Variants in NBAS observed in about 807,000 individuals in gnomAD.
The protein encoded by NBAS is NBAS subunit of NRZ tethering complex, also known as NAG/BC035112 fusion.
A neutral mutation model predicts 302.5 loss-of-function variants in NBAS; 219 were observed. The observed-to-expected ratio is 0.72, with a 90% CI of 0.65 to 0.81. The LOEUF (loss-of-function observed/expected upper bound fraction) is 0.81. NBAS is among the 30% of genes least tolerant of loss of function. The probability of loss-of-function intolerance (pLI) is 0.00; values close to 1 mark genes in which losing one functional copy is unlikely to be tolerated. For synonymous variants in NBAS, 1,118 were observed against 1,021.6 expected (o/e 1.09, Z -1.80); for missense variants, 2,932 against 2,841.6 (o/e 1.03, Z -0.72).
At chr2:14,949,186 T>A in the NBAS span, among the ~76,000 whole-genome samples, 1 of 152,178 alleles carries the variant, frequency 6.6e-6, no homozygotes, top group South Asian at 2.1e-4. Context: ...TTTTGGCAAA[T>A]AATTTTTGTG....
At chr2:15,187,770 T>C (rs893960854) in intron 49 of NBAS, among the ~76,000 whole-genome samples, 5 of 152,212 alleles carry the variant, frequency 3.3e-5, no homozygotes, top group Non-Finnish European at 7.4e-5. Flanking sequence ...ATTCTAGACA[T>C]TGAACAACCA....
At chr2:15,483,296 T>C in intron 12 of NBAS, 1 of 407,118 alleles carries the variant, frequency 2.5e-6, no homozygotes, top group Non-Finnish European at 5.0e-6. Flanking sequence ...CTGTGGATTA[T>C]ATCAAGATTC....
the NBAS span, among the ~76,000 whole-genome samples, chr2:15,151,049 CATTCAATA>C: frequency 6.6e-6 from 1 of 152,204 alleles, no homozygotes. Context: ...ATCCTCCAAT[CATTCAATA>C]ATTCAATAAT....
chr2:14,979,851 T>G, the NBAS span, among the ~76,000 whole-genome samples: 5 of 152,288 alleles, frequency 3.3e-5, no homozygotes, highest in Admixed American at 3.3e-4. Flanking sequence ...AGTGTAGGCC[T>G]GTAATTGTAA....
At chr2:15,149,008 C>T in the NBAS span, among the ~76,000 whole-genome samples, 1 of 152,154 alleles carries the variant, frequency 6.6e-6, no homozygotes, top group Non-Finnish European at 1.5e-5. Flanking sequence ...CCTTCGAAGC[C>T]ATTTAATTAT....
At chr2:15,095,522 A>T in the NBAS span, among the ~76,000 whole-genome samples, 2 of 152,206 alleles carry the variant, frequency 1.3e-5, no homozygotes, top group African/African-American at 2.4e-5. Context: ...CTCCCACCAC[A>T]CGTGGGAATT....
rs1289112819 is a variant in NBAS, at chr2:15,415,561, C to A, written c.2922G>T (p.Gln974His). The change falls in exon 25 of 52, where the codon CAG becomes CAT. Residue 974 changes from glutamine to histidine, a missense_variant. Gln to His is a conservative substitution (Grantham distance 24). Coordinates refer to ENST00000281513, the MANE Select transcript of NBAS (RefSeq NM_015909.4). ...GDLKFPLKIF[Q>H]HSKPDLQQKI... is the part of the protein sequence containing the mutation. Reference sequence around the variant, plus strand: ...TTCTACTTACATCTGGTTTGGAATGCTGAAATATCTTCAGGGGAAATTTTA... The same window carrying A: ...TTCTACTTACATCTGGTTTGGAATGATGAAATATCTTCAGGGGAAATTTTA... The A allele has an allele frequency of 6.2e-7, 1 of 1,614,064 alleles. No individual in the cohort carries two copies. The highest frequency in any genetic ancestry group is 1.7e-5 in the Admixed American group (1 of 60,028).
chr2:15,471,876 C>T (rs1679972542), intron 16 of NBAS, among the ~76,000 whole-genome samples: 1 of 152,174 alleles, frequency 6.6e-6, no homozygotes, highest in African/African-American at 2.4e-5. Context: ...AATTGGCTAA[C>T]ACCTTGATTT....
At position 15,296,399 on chromosome 2, in the gene NBAS, G is replaced by A. The variant is rs149572868; in HGVS notation, c.4798-3633C>T. The stretch of plus-strand genomic sequence containing the variant: ...ACTAAAAGTACCAAAAAAATTAGCC[G>A]GGTGTGGTGGCACTCACCTGTAGTC... On this transcript the variant is annotated intron_variant, in intron 40 of 51. Coordinates refer to ENST00000281513, the MANE Select transcript of NBAS (RefSeq NM_015909.4). Among the ~76,000 whole-genome samples, 1,125 of 152,178 alleles carry A rather than the reference G, an allele frequency of 7.4e-3. 9 individuals are homozygous for A. The highest frequency in any genetic ancestry group is 0.022 in the South Asian group (104 of 4,820).
At chr2:15,148,177 A>G in the NBAS span, among the ~76,000 whole-genome samples, 4,980 of 152,238 alleles carry the variant, frequency 0.033, 222 homozygotes, top group African/African-American at 0.1. Context: ...GCACACCCCA[A>G]TCATAGGTAC....
At chr2:15,370,443 C>T (rs1674427554) in intron 31 of NBAS, among the ~76,000 whole-genome samples, 1 of 152,280 alleles carries the variant, frequency 6.6e-6, no homozygotes, top group African/African-American at 2.4e-5. Context: ...CAGGCATGCA[C>T]CACCAAGCCT....
downstream of NBAS, among the ~76,000 whole-genome samples, chr2:15,162,569 A>T (rs1289467509): frequency 2.6e-5 from 4 of 152,232 alleles, no homozygotes; most frequent in Non-Finnish European, 5.9e-5. Context: ...AGCTGTGAGC[A>T]GGTTGCAACA....
the NBAS span, among the ~76,000 whole-genome samples, chr2:14,801,019 T>C: frequency 6.6e-6 from 1 of 152,148 alleles, no homozygotes; most frequent in Non-Finnish European, 1.5e-5. Flanking sequence ...TCACTGGGTA[T>C]AGAATTCTAT....
chr2:15,178,273 C>T (rs940103138), intron 51 of NBAS: 3 of 401,864 alleles, frequency 7.5e-6, no homozygotes, highest in Non-Finnish European at 1.5e-5. Flanking sequence ...AGTGTACATA[C>T]TCAAACAGAC....
At chr2:14,820,261 G>T in the NBAS span, among the ~76,000 whole-genome samples, 9 of 152,146 alleles carry the variant, frequency 5.9e-5, no homozygotes, top group Non-Finnish European at 1.0e-4. Context: ...TGGAAGCAAC[G>T]TAAGTGTTCA....
At chr2:15,032,282 A>C in the NBAS span, among the ~76,000 whole-genome samples, 21 of 152,244 alleles carry the variant, frequency 1.4e-4, no homozygotes, top group South Asian at 4.1e-4. Flanking sequence ...TTTGAGGTGC[A>C]TGCTAGAATA....
chr2:15,453,734 A>G (rs1277217829), intron 21 of NBAS, among the ~76,000 whole-genome samples: 1 of 152,204 alleles, frequency 6.6e-6, no homozygotes, highest in African/African-American at 2.4e-5. Context: ...TTAGATACTT[A>G]CAAGCAAGCA....
At chr2:15,079,889 C>A in the NBAS span, among the ~76,000 whole-genome samples, 22 of 152,150 alleles carry the variant, frequency 1.4e-4, no homozygotes, top group Non-Finnish European at 4.4e-5. Flanking sequence ...TAAGTACTTA[C>A]AAATAAAATG....
intron 30 of NBAS, 29 bp downstream of exon 30, chr2:15,379,573 T>C: frequency 6.2e-7 from 1 of 1,600,624 alleles, no homozygotes; most frequent in Non-Finnish European, 8.6e-7. Flanking sequence ...TCCCCCTCCA[T>C]CTTAGGGAAG....
Sources: gnomAD v4.1 joint callset for allele counts (sites outside exome capture counted in the v4.1 genomes callset) on GRCh38, gnomAD v4.1.1 for gene constraint, MANE v1.5 for transcripts, NCBI Gene and HGNC (gene_info 2026-07-23, HGNC 2026-07-21) for gene names.